The following CLDN10 variants were observed in gnomAD, a reference collection of about 807,000 sequenced individuals.
The protein encoded by CLDN10 is claudin 10, also known as claudin-10.
In CLDN10, 15 loss-of-function variants were observed where a neutral mutation model predicts 22.9. The ratio of observed to expected loss-of-function variants is 0.65; its 90% CI spans 0.44 to 1.01. The LOEUF is 1.01. CLDN10 is among the 50% of genes least tolerant of loss of function. CLDN10 has a pLI of 0.00. For missense variants in CLDN10, 247 were observed against 287.8 expected (o/e 0.86, Z 1.03); for synonymous variants, 114 against 111.4 (o/e 1.02, Z -0.15).
chr13:95,572,879 C>T (rs71433091), intron 3 of CLDN10, among the ~76,000 whole-genome samples: 5,289 of 152,250 alleles, frequency 0.035, 141 homozygotes, highest in Middle Eastern at 0.068. Flanking sequence ...GCAAACCTAA[C>T]TCAGAATAGG....
At chr13:95,434,397 A>G (rs2042242878) in intron 1 of CLDN10, among the ~76,000 whole-genome samples, 3 of 151,092 alleles carry the variant, frequency 2.0e-5, no homozygotes, top group Admixed American at 2.0e-4. Flanking sequence ...AAATGCTCTC[A>G]TTGATTTAAA....
intron 1 of CLDN10, among the ~76,000 whole-genome samples, chr13:95,461,098 C>T (rs891294701): frequency 2.6e-5 from 4 of 151,910 alleles, no homozygotes; most frequent in East Asian, 1.9e-4. Context: ...GGTGACACAG[C>T]GAGACTCTGT....
At chr13:95,527,001 G>A (rs1001519234) in intron 1 of CLDN10, among the ~76,000 whole-genome samples, 1 of 152,114 alleles carries the variant, frequency 6.6e-6, no homozygotes, top group East Asian at 1.9e-4. Flanking sequence ...TGAGGAGGGA[G>A]GATTTGCCCC....
At chr13:95,451,512 C>G (rs527688349) in intron 1 of CLDN10, among the ~76,000 whole-genome samples, 8 of 152,200 alleles carry the variant, frequency 5.3e-5, no homozygotes, top group Non-Finnish European at 7.3e-5. Context: ...CTCACAGCAG[C>G]CTCCAACTCC....
chr13:95,536,499 A>G (rs1188090877), intron 1 of CLDN10, among the ~76,000 whole-genome samples: 6 of 152,286 alleles, frequency 3.9e-5, no homozygotes, highest in Non-Finnish European at 1.5e-5. Flanking sequence ...CCTTAACCAT[A>G]CAAAACTTAC....
chr13:95,494,715 T>TC (rs1297439569), intron 1 of CLDN10, among the ~76,000 whole-genome samples: 3 of 152,192 alleles, frequency 2.0e-5, no homozygotes, highest in African/African-American at 7.2e-5. Flanking sequence ...ACAGTTGCTT[T>TC]CCCAAACTTC....
chr13:95,520,357 G>A (rs907268856), intron 1 of CLDN10, among the ~76,000 whole-genome samples: 29 of 151,916 alleles, frequency 1.9e-4, no homozygotes, highest in Admixed American at 6.6e-5. Flanking sequence ...TTTTTAGATG[G>A]AAAAAAGTTC....
chr13:95,483,987 C>T (rs1407715465), intron 1 of CLDN10, among the ~76,000 whole-genome samples: 1 of 152,120 alleles, frequency 6.6e-6, no homozygotes, highest in East Asian at 1.9e-4. Flanking sequence ...TCCCTTCCAC[C>T]ACATGAGGAT....
chr13:95,524,301 T>A (rs1206235710), intron 1 of CLDN10, among the ~76,000 whole-genome samples: 1 of 152,232 alleles, frequency 6.6e-6, no homozygotes. Context: ...TGTTTTTCTA[T>A]TTAATTATTT....
intron 1 of CLDN10, among the ~76,000 whole-genome samples, chr13:95,532,160 A>G (rs2043350078): frequency 6.6e-6 from 1 of 152,270 alleles, no homozygotes; most frequent in African/African-American, 2.4e-5. Flanking sequence ...AAAAATTTAT[A>G]TACATTAGAC....
At chr13:95,443,807 T>G (rs561972052) in intron 1 of CLDN10, among the ~76,000 whole-genome samples, 9 of 152,158 alleles carry the variant, frequency 5.9e-5, no homozygotes, top group Non-Finnish European at 8.8e-5. Flanking sequence ...GATGTGCTTG[T>G]GGGGGGTCAT....
chr13:95,552,526 G>A (rs1254430632), upstream of CLDN10, among the ~76,000 whole-genome samples: 1 of 152,198 alleles, frequency 6.6e-6, no homozygotes, highest in African/African-American at 2.4e-5. Context: ...CGGGCCAGCT[G>A]CAGATGGAGA....
At chr13:95,519,560 A>G (rs1322225821) in intron 1 of CLDN10, among the ~76,000 whole-genome samples, 1 of 152,246 alleles carries the variant, frequency 6.6e-6, no homozygotes, top group East Asian at 1.9e-4. Context: ...TATTTTACAG[A>G]TGTAGAAACA....
intron 1 of CLDN10, among the ~76,000 whole-genome samples, chr13:95,513,532 C>G (rs978234476): frequency 6.9e-6 from 1 of 145,264 alleles, no homozygotes; most frequent in African/African-American, 2.4e-5. Context: ...GCTCAACATC[C>G]TCTCTCCTTC....
At chr13:95,517,018 CCTT>C (rs1441519603) in intron 1 of CLDN10, among the ~76,000 whole-genome samples, 21 of 116,920 alleles carry the variant, frequency 1.8e-4, no homozygotes, top group African/African-American at 4.6e-4. Flanking sequence ...TTCCTTCCTT[CCTT>C]CCTCCCTCCC....
intron 1 of CLDN10, among the ~76,000 whole-genome samples, chr13:95,492,321 C>T (rs529670580): frequency 3.7e-4 from 56 of 151,860 alleles, no homozygotes; most frequent in African/African-American, 1.3e-3. Flanking sequence ...CTCAGACTCT[C>T]CTTGGGCAGG....
intron 1 of CLDN10, among the ~76,000 whole-genome samples, chr13:95,445,722 G>A (rs927858626): frequency 6.6e-6 from 1 of 152,216 alleles, no homozygotes; most frequent in Non-Finnish European, 1.5e-5. Context: ...CAATTGTAGA[G>A]AGTGAGACAG....
intron 3 of CLDN10, among the ~76,000 whole-genome samples, chr13:95,567,699 C>T (rs963107829): frequency 2.0e-5 from 3 of 152,118 alleles, no homozygotes; most frequent in Non-Finnish European, 4.4e-5. Flanking sequence ...TGTCTTGTGC[C>T]AGTTTTCAAA....
At chr13:95,546,053 A>C (rs1440956768) in intron 1 of CLDN10, among the ~76,000 whole-genome samples, 1 of 152,264 alleles carries the variant, frequency 6.6e-6, no homozygotes, top group Non-Finnish European at 1.5e-5. Context: ...TTGAACTTCA[A>C]TTCACTTACT....
Sources: allele counts gnomAD v4.1 joint callset (sites outside exome capture counted in the v4.1 genomes callset), GRCh38; gene constraint gnomAD v4.1.1; transcripts MANE v1.5; gene names NCBI Gene and HGNC (gene_info 2026-07-23, HGNC 2026-07-21).